The following PIK3R6 variants were observed in gnomAD, a reference collection of about 807,000 sequenced individuals.
The protein encoded by PIK3R6 is phosphoinositide 3-kinase regulatory subunit 6.
Under a neutral mutation model 84.9 loss-of-function variants are expected in PIK3R6, and 91 were observed. That is an observed-to-expected ratio of 1.07 (90% CI 0.90 to 1.28). The LOEUF (loss-of-function observed/expected upper bound fraction) is 1.28. PIK3R6 is among the 50% of genes most tolerant of loss of function. PIK3R6 has a pLI of 0.00. For missense variants in PIK3R6, 996 were observed against 985.1 expected (o/e 1.01, Z -0.15); for synonymous variants, 416 against 411.4 (o/e 1.01, Z -0.13).
At chr17:8,858,310 CTT>C (rs752142944) in intron 1 of PIK3R6, among the ~76,000 whole-genome samples, 234 of 95,456 alleles carry the variant, frequency 2.5e-3, no homozygotes, top group Middle Eastern at 6.8e-3. Context: ...CTCAATTAAT[CTT>C]TTTTTTTTTT....
At chr17:8,810,766 G>A (rs1401443313) in intron 18 of PIK3R6, among the ~76,000 whole-genome samples, 1 of 148,840 alleles carries the variant, frequency 6.7e-6, no homozygotes, top group African/African-American at 2.5e-5. Flanking sequence ...TGTTGTGAGA[G>A]GTGGGTTCCC....
intron 4 of PIK3R6, 143 bp downstream of exon 4, chr17:8,838,421 G>T: frequency 1.6e-6 from 1 of 642,310 alleles, no homozygotes. Flanking sequence ...TTACGTAAAA[G>T]TACAGGAGGG....
At position 8,842,257 on chromosome 17, in the gene PIK3R6, G is replaced by T. The variant is rs1250322211; in HGVS notation, c.14-2560C>A. On this transcript the variant is annotated intron_variant, in intron 2 of 19. Transcript: ENST00000619866. The surrounding 1 kb of genome is among the most constrained non-coding windows in gnomAD (Gnocchi z 4.5). ...ATAGCAATGCAAACAGACTAAGACA[G>T]CTGTGAAATCCATCACTTTCTGCTG... 1.3e-5 allele frequency among the ~76,000 whole-genome samples: 2 copies of T among 152,102 alleles called. No homozygotes were observed. The highest frequency in any genetic ancestry group is 2.9e-5 in the Non-Finnish European group (2 of 68,002).
At position 8,803,482 on chromosome 17, in the gene PIK3R6, C is replaced by T; in HGVS notation, c.2109-53G>A. The T allele has an allele frequency of 1.3e-6, 2 of 1,527,508 alleles. No homozygotes were observed. Among genetic ancestry groups the T allele is most frequent in the Admixed American group, 2.0e-5 (1 of 49,162 alleles). 94.6% of individuals were successfully genotyped at this position (1,527,508 alleles called of 1,614,324 possible). A position where few individuals can be genotyped will look rare whatever the true frequency, so the allele number is the denominator to read the frequency against. On this transcript the variant is annotated intron_variant, in intron 19 of 19. Coordinates refer to ENST00000619866, the MANE Select transcript of PIK3R6 (RefSeq NM_001010855.4). This position sits in a 1 kb window ranked among gnomAD's most constrained non-coding sequence, Gnocchi z 5.0. ...TGACCCATCTGAGGGATCAGATTGC[C>T]TAGGGCATTTGAAAGGCAGAGCTGT...
chr17:8,863,545 T>C (rs541449296), intron 1 of PIK3R6, among the ~76,000 whole-genome samples: 2 of 151,822 alleles, frequency 1.3e-5, no homozygotes, highest in Non-Finnish European at 1.5e-5. Context: ...GTGTGTGTGT[T>C]TTTTTTTGAG....
chr17:8,854,486 T>C (rs996899882), intron 1 of PIK3R6, among the ~76,000 whole-genome samples: 1 of 152,160 alleles, frequency 6.6e-6, no homozygotes. Flanking sequence ...AAGTTATTAG[T>C]GAAGGGCTAG....
chr17:8,853,125 G>A (rs1215231093), intron 1 of PIK3R6, among the ~76,000 whole-genome samples: 1 of 152,006 alleles, frequency 6.6e-6, no homozygotes, highest in African/African-American at 2.4e-5. Context: ...AAATTATGGT[G>A]TACATCTGTA....
Position 8,828,149 on chromosome 17 carries a change from C to T in PIK3R6, c.1355G>A (p.Ser452Asn). 1 of 1,613,984 alleles carries T rather than the reference C, an allele frequency of 6.2e-7. No individual in the cohort carries two copies. Among genetic ancestry groups the T allele is most frequent in the Non-Finnish European group, 8.5e-7 (1 of 1,179,872 alleles). Residue 452 changes from serine to asparagine, a missense_variant, in exon 12 of 20, where the codon AGC becomes AAC. Physicochemically the swap from Ser to Asn is conservative, Grantham distance 46. Coordinates refer to ENST00000619866, the MANE Select transcript of PIK3R6 (RefSeq NM_001010855.4). The part of the protein sequence containing the change: ...TQKFCLTPRL[S>N]LQLYYIPVLA... ...CACGGGGATGTAGTAGAGCTGCAGGCTGAGTCTGGGAGTGAGGCAGAACTT... is the reference window on the plus strand; with the variant it reads ...CACGGGGATGTAGTAGAGCTGCAGGTTGAGTCTGGGAGTGAGGCAGAACTT...
At chr17:8,864,962 GCA>G (rs1257145685) in intron 1 of PIK3R6, among the ~76,000 whole-genome samples, 1 of 152,102 alleles carries the variant, frequency 6.6e-6, no homozygotes, top group East Asian at 1.9e-4. Flanking sequence ...CAGGCCAGGT[GCA>G]CACACACAGC....
chr17:8,820,152 T>TA, intron 17 of PIK3R6, among the ~76,000 whole-genome samples: 1 of 150,154 alleles, frequency 6.7e-6, no homozygotes, highest in South Asian at 2.1e-4. Flanking sequence ...CAGGGTTGCT[T>TA]AATAGAGTAT....
At chr17:8,831,839 T>C (rs2151250798) in intron 9 of PIK3R6, among the ~76,000 whole-genome samples, 1 of 152,322 alleles carries the variant, frequency 6.6e-6, no homozygotes, top group South Asian at 2.1e-4. Context: ...AGAACCATCC[T>C]ACAACAGCCA....
chr17:8,811,626 C>G (rs1457127109), intron 18 of PIK3R6, among the ~76,000 whole-genome samples: 1 of 147,822 alleles, frequency 6.8e-6, no homozygotes, highest in Non-Finnish European at 1.5e-5. Context: ...TCATATCTCT[C>G]AAGTTCAAAG....
chr17:8,848,146 C>T (rs1477274042), intron 2 of PIK3R6, among the ~76,000 whole-genome samples: 2 of 152,176 alleles, frequency 1.3e-5, no homozygotes, highest in African/African-American at 2.4e-5. Context: ...CTCTCTCCGT[C>T]CTTTTGGCAG....
At chr17:8,828,453 T>TGGCCTCG in intron 11 of PIK3R6, 114 bp downstream of exon 11, 1 of 1,327,654 alleles carries the variant, frequency 7.5e-7, no homozygotes, top group Non-Finnish European at 1.0e-6. Context: ...CGTCCCACCC[T>TGGCCTCG]GGCCTCTGCC....
intron 10 of PIK3R6, 144 bp downstream of exon 10, chr17:8,829,562 A>G (rs1209248942): frequency 1.2e-6 from 1 of 849,674 alleles, no homozygotes. Context: ...ACACTCATGC[A>G]CACATACACA....
chr17:8,837,377 G>A (rs964870293), intron 5 of PIK3R6, among the ~76,000 whole-genome samples: 14 of 151,998 alleles, frequency 9.2e-5, no homozygotes, highest in African/African-American at 2.4e-4. Flanking sequence ...CGTCTCTGCC[G>A]GAGCTAAGCC....
intron 2 of PIK3R6, among the ~76,000 whole-genome samples, chr17:8,848,256 A>G (rs1000959245): frequency 2.0e-5 from 3 of 152,024 alleles, no homozygotes; most frequent in African/African-American, 7.2e-5. Flanking sequence ...ATCAGTTTCT[A>G]TTGCTTATAT....
intron 18 of PIK3R6, among the ~76,000 whole-genome samples, chr17:8,815,020 A>T (rs73973224): frequency 0.014 from 2,148 of 152,346 alleles, 61 homozygotes; most frequent in African/African-American, 0.049. Context: ...TTCACATTCA[A>T]AGAAATCCAG....
intron 1 of PIK3R6, among the ~76,000 whole-genome samples, chr17:8,858,501 G>A (rs1048154075): frequency 1.3e-5 from 2 of 151,882 alleles, no homozygotes; most frequent in Non-Finnish European, 2.9e-5. Flanking sequence ...ATTTTTAGTA[G>A]AGACAGGGTT....
Sources: gnomAD v4.1 joint callset for allele counts (sites outside exome capture counted in the v4.1 genomes callset) on GRCh38, gnomAD v4.1.1 for gene constraint, Gnocchi (gnomAD v3.1) non-coding constraint, MANE v1.5 for transcripts, NCBI Gene and HGNC (gene_info 2026-07-23, HGNC 2026-07-21) for gene names.